Variants in ZNF721 observed in about 807,000 individuals in gnomAD.
The protein encoded by ZNF721 is zinc finger protein 721.
In ZNF721, 2 loss-of-function variants were observed where a neutral mutation model predicts 2.4. The observed-to-expected ratio is 0.82, with a 90% CI of 0.34 to 2.58. ZNF721 has a LOEUF of 2.58. Ranked by LOEUF, ZNF721 falls within the 30% of genes most tolerant of loss-of-function variation. ZNF721 has a pLI of 0.11. For missense variants in ZNF721, 1,187 were observed against 1,085.5 expected (o/e 1.09, Z -1.31); for synonymous variants, 398 against 381.8 (o/e 1.04, Z -0.50).
At chr4:465,654 G>A (rs1006748636) in intron 2 of ZNF721, among the ~76,000 whole-genome samples, 7 of 151,790 alleles carry the variant, frequency 4.6e-5, no homozygotes, top group African/African-American at 9.7e-5. Flanking sequence ...GGATGGTCTC[G>A]ATCTCCTGAC....
rs114540814 is a variant in ZNF721 at position 476,973 on chromosome 4, A to C, written c.-93-4272T>G. On this transcript the variant is annotated intron_variant, in intron 1 of 2. Coordinates refer to ENST00000511833, the MANE Select transcript of ZNF721 (RefSeq NM_133474.4). ...TCTCCCAGGGTGCCACCTGGTTCCA[A>C]TTCTCATGGCATCTCATTTTCTTGG... Among the ~76,000 whole-genome samples, 305 of 152,160 alleles carry C rather than the reference A, an allele frequency of 2.0e-3. 2 individuals carry two copies. Among genetic ancestry groups the C allele is most frequent in the African/African-American group, 7.0e-3 (289 of 41,518 alleles).
chr4:487,260 G>C lies in ZNF721; in HGVS notation c.-94+11796C>G, dbSNP rs199818655. Reference sequence around the variant, plus strand: ...CATAGTGTGCCAGTTTGGGGCCCAGGTTTAAAGTTCCTAAATGCTTCTGTT... The same window carrying C: ...CATAGTGTGCCAGTTTGGGGCCCAGCTTTAAAGTTCCTAAATGCTTCTGTT... On this transcript the variant is annotated intron_variant, in intron 1 of 2. Transcript: ENST00000511833. 6.6e-5 allele frequency among the ~76,000 whole-genome samples: 10 copies of C among 152,298 alleles called. No individual in the cohort carries two copies. In the East Asian group the frequency reaches 1.9e-3, roughly 29 times the overall value.
At position 442,278 on chromosome 4, in the gene ZNF721, C is replaced by T. The variant is rs61793704; in HGVS notation, c.2189G>A (p.Arg730His). The T allele has an allele frequency of 3.2e-5, 52 of 1,613,330 alleles. No individual in the cohort carries two copies. The highest frequency in any genetic ancestry group is 2.1e-4 in the South Asian group (19 of 91,050). The change falls in exon 3 of 3, where the codon CGT (arginine) becomes CAT (histidine). Residue 730 changes from arginine (R) to histidine (H), a missense_variant. Physicochemically the swap from Arg to His is conservative, Grantham distance 29. Transcript: ENST00000511833. ...TREKPYKCED[R>H]GRSFGWSTNL... ...TGTGGACCATCCAAAGGATCTGCCACGATCTTCACATTTGTAGGGTTTCTC... is the reference window on the plus strand; with the variant it reads ...TGTGGACCATCCAAAGGATCTGCCATGATCTTCACATTTGTAGGGTTTCTC...
In ZNF721 at chr4:441,608, T is replaced by A; in HGVS notation, c.*87A>T. 1 of 1,137,904 alleles carries A rather than the reference T, an allele frequency of 8.8e-7. No homozygotes were observed. Among genetic ancestry groups the A allele is most frequent in the Non-Finnish European group, 1.2e-6 (1 of 814,414 alleles). 70.5% of individuals were successfully genotyped at this position (1,137,904 alleles called of 1,614,324 possible). On this transcript the variant is annotated 3_prime_UTR_variant, in exon 3 of 3. Coordinates refer to ENST00000511833, the MANE Select transcript of ZNF721 (RefSeq NM_133474.4). ...GAGGAGCATTTAAAGACCGCGACAT[T>A]CGTCACCTTCGTAAGACATTCCCCT...
chr4:484,946 A>G (rs1715857727), intron 1 of ZNF721, among the ~76,000 whole-genome samples: 1 of 152,134 alleles, frequency 6.6e-6, no homozygotes, highest in African/African-American at 2.4e-5. Context: ...GTGGGGCATC[A>G]CGGAACCTAC....
chr4:472,835 A>G (rs558096737), intron 1 of ZNF721, 134 bp from the exon 2 acceptor site: 19 of 1,229,292 alleles, frequency 1.5e-5, no homozygotes, highest in South Asian at 4.4e-5. Flanking sequence ...AATGTTCTCT[A>G]AAGTATTCTA....
Position 440,581 on chromosome 4 carries a change from A to C in ZNF721, c.*1114T>G, listed in dbSNP as rs1471595685. ...CTACTGTAAATCCTCTGATGTTTAC[A>C]TAGTCTTAATTTTAGCCTAAATATT... On this transcript the variant is annotated 3_prime_UTR_variant, in exon 3 of 3. Coordinates refer to ENST00000511833, the MANE Select transcript of ZNF721 (RefSeq NM_133474.4). The C allele has an allele frequency of 6.6e-6, 1 of 152,166 alleles. No individual in the cohort carries two copies. The highest frequency in any genetic ancestry group is 1.9e-4 in the East Asian group (1 of 5,202). The allele number at this position is 152,166 out of a possible 1,614,324, so 9.4% of individuals were successfully genotyped here. A position where few individuals can be genotyped will look rare whatever the true frequency, so the allele number is the denominator to read the frequency against.
chr4:468,438 G>GAA (rs782103377), intron 2 of ZNF721, among the ~76,000 whole-genome samples: 1 of 141,360 alleles, frequency 7.1e-6, no homozygotes, highest in East Asian at 2.0e-4. Context: ...ACAAAAAAAA[G>GAA]AAAAAAAAAA....
At chr4:455,162 T>C (rs1714806945) in intron 2 of ZNF721, among the ~76,000 whole-genome samples, 1 of 152,168 alleles carries the variant, frequency 6.6e-6, no homozygotes, top group Admixed American at 6.5e-5. Flanking sequence ...TATCATTTGC[T>C]TATATACCTA....
In ZNF721 at chr4:442,595, C is replaced by G; in HGVS notation, c.1872G>C (p.Trp624Cys). Residue 624 changes from tryptophan (W) to cysteine (C), a missense_variant, in exon 3 of 3, where the codon TGG (tryptophan) becomes TGC (cysteine). Trp to Cys is a radical substitution (Grantham distance 215, BLOSUM62 -2). Coordinates refer to ENST00000511833, the MANE Select transcript of ZNF721 (RefSeq NM_133474.4). ...KCEECGKDFV[W>C]YTDLNQQKKI... ...TCTTCTGTTGATTCAGGTCCGTGTA[C>G]CATACAAAGTCTTTGCCACACTCTT... The G allele has an allele frequency of 6.2e-7, 1 of 1,613,746 alleles. No homozygotes were observed. The highest frequency in any genetic ancestry group is 8.5e-7 in the Non-Finnish European group (1 of 1,179,842).
At chr4:472,495 T>C (rs1715466577) in intron 2 of ZNF721, 80 bp downstream of exon 2, 2 of 1,469,428 alleles carry the variant, frequency 1.4e-6, no homozygotes, top group Non-Finnish European at 1.8e-6. Context: ...TATATAGATA[T>C]ATCTCAAAAG....
chr4:471,126 A>T (rs1360674849), intron 2 of ZNF721, among the ~76,000 whole-genome samples: 2 of 152,166 alleles, frequency 1.3e-5, no homozygotes, highest in Non-Finnish European at 2.9e-5. Flanking sequence ...TTTTTTTCCC[A>T]AAGACATACA....
At chr4:474,078 C>T in intron 1 of ZNF721, 1 of 1,393,552 alleles carries the variant, frequency 7.2e-7, no homozygotes, top group Non-Finnish European at 9.6e-7. Flanking sequence ...GGCAAAATCA[C>T]CGAGGCCTCC....
At chr4:493,731 G>A (rs1341429410) in intron 1 of ZNF721, among the ~76,000 whole-genome samples, 1 of 150,394 alleles carries the variant, frequency 6.6e-6, no homozygotes, top group East Asian at 1.9e-4. Context: ...AATTCCATAT[G>A]CAGCTATTTT....
In ZNF721 at chr4:455,920, T is replaced by C. The variant is rs555996100; in HGVS notation, c.35-11488A>G. On this transcript the variant is annotated intron_variant, in intron 2 of 2. Coordinates refer to ENST00000511833, the MANE Select transcript of ZNF721 (RefSeq NM_133474.4). ...CATCTACCTAAAAAGGTTCCATTTT[T>C]CAAAAATCACCTTTGAATAACAAGT... Among the ~76,000 whole-genome samples, 5 of 152,154 alleles carry C rather than the reference T, an allele frequency of 3.3e-5. No individual in the cohort carries two copies. In the South Asian group the frequency reaches 1.0e-3, roughly 32 times the overall value.
At position 441,292 on chromosome 4, in the gene ZNF721, G is replaced by C. The variant is rs1192700202; in HGVS notation, c.*403C>G. ...GACAATAGCTTTTGTATATTTTTAT[G>C]TTTGTACAAGTAGTCTCACATATAA... On this transcript the variant is annotated 3_prime_UTR_variant, in exon 3 of 3. Coordinates refer to ENST00000511833, the MANE Select transcript of ZNF721 (RefSeq NM_133474.4). 1 of 159,366 alleles carries C rather than the reference G, an allele frequency of 6.3e-6. No individual in the cohort carries two copies. The highest frequency in any genetic ancestry group is 1.9e-4 in the East Asian group (1 of 5,368). 9.9% of individuals were successfully genotyped at this position (159,366 alleles called of 1,614,324 possible). A position where few individuals can be genotyped will look rare whatever the true frequency, so the allele number is the denominator to read the frequency against.
At chr4:475,931 T>C (rs1176180332) in intron 1 of ZNF721, among the ~76,000 whole-genome samples, 1 of 152,200 alleles carries the variant, frequency 6.6e-6, no homozygotes, top group African/African-American at 2.4e-5. Context: ...TACCATAAAT[T>C]CCAGAATCCA....
chr4:474,132 G>C, intron 1 of ZNF721: 2 of 1,007,014 alleles, frequency 2.0e-6, no homozygotes, highest in South Asian at 2.7e-5. Flanking sequence ...CCGAGCTCAG[G>C]CTGAAGCAAC....
Position 442,794 on chromosome 4 carries a change from G to C in ZNF721, c.1673C>G (p.Thr558Arg), listed in dbSNP as rs782674710. Reference sequence around the variant, plus strand: ...AAAGGTTTTGCCACATTCTTCACATGTGTAGGGTTTCTCTCCAGTATGAAT... The same window carrying C: ...AAAGGTTTTGCCACATTCTTCACATCTGTAGGGTTTCTCTCCAGTATGAAT... Reference protein sequence around the residue: ...RRIHTGEKPYTCEECGKTFRQ... With the variant: ...RRIHTGEKPYRCEECGKTFRQ... Residue 558 changes from threonine (T) to arginine (R), a missense_variant, in exon 3 of 3, where the codon ACA (threonine) becomes AGA (arginine). Thr to Arg is a moderately conservative substitution (Grantham distance 71). Coordinates refer to ENST00000511833, the MANE Select transcript of ZNF721 (RefSeq NM_133474.4). The C allele has an allele frequency of 6.2e-7, 1 of 1,612,722 alleles. No individual in the cohort carries two copies. Among genetic ancestry groups the C allele is most frequent in the South Asian group, 1.1e-5 (1 of 90,988 alleles).
Sources: gnomAD v4.1 joint callset for allele counts (sites outside exome capture counted in the v4.1 genomes callset) on GRCh38, gnomAD v4.1.1 for gene constraint, MANE v1.5 for transcripts, NCBI Gene and HGNC (gene_info 2026-07-23, HGNC 2026-07-21) for gene names.